The following SUGCT variants were observed in gnomAD, a reference collection of about 807,000 sequenced individuals.
SUGCT encodes the protein succinyl-CoA:glutarate CoA-transferase.
SUGCT carries 41 observed loss-of-function variants against 55.0 expected under a neutral mutation model. The observed-to-expected ratio is 0.74, with a 90% CI of 0.58 to 0.97. The LOEUF (loss-of-function observed/expected upper bound fraction) is 0.97, where lower values mean the gene tolerates loss of function less well. Among genes scored for constraint, SUGCT ranks in the 50% least tolerant of loss-of-function variants. SUGCT has a pLI of 0.00. For missense variants in SUGCT, 568 were observed against 547.8 expected (o/e 1.04, Z -0.37); for synonymous variants, 187 against 200.4 (o/e 0.93, Z 0.56).
intron 9 of SUGCT, among the ~76,000 whole-genome samples, chr7:40,348,805 C>T (rs558925420): frequency 6.6e-6 from 1 of 152,214 alleles, no homozygotes; most frequent in Non-Finnish European, 1.5e-5. Flanking sequence ...TGAAATCCAT[C>T]GTATTCTTGT....
At chr7:40,843,711 G>C (rs4720378) in intron 13 of SUGCT, among the ~76,000 whole-genome samples, 33,031 of 151,974 alleles carry the variant, frequency 0.22, 4,723 homozygotes, top group East Asian at 0.8. Context: ...AGAGGGAGCA[G>C]TGCAAGAGAG....
At chr7:40,955,102 G>T in the SUGCT span, among the ~76,000 whole-genome samples, 1 of 152,128 alleles carries the variant, frequency 6.6e-6, no homozygotes, top group African/African-American at 2.4e-5. Flanking sequence ...TTTTGCTTAG[G>T]ATTGTCTTGA....
At chr7:40,629,528 G>C (rs578096226) in intron 12 of SUGCT, among the ~76,000 whole-genome samples, 1 of 151,982 alleles carries the variant, frequency 6.6e-6, no homozygotes, top group Non-Finnish European at 1.5e-5. Flanking sequence ...GCAGGAATAG[G>C]GGGCTGGATA....
chr7:40,565,346 A>G (rs918079189), intron 12 of SUGCT, among the ~76,000 whole-genome samples: 1 of 152,212 alleles, frequency 6.6e-6, no homozygotes, highest in African/African-American at 2.4e-5. Flanking sequence ...TGGCTAAATT[A>G]TTATACTGCT....
intron 9 of SUGCT, among the ~76,000 whole-genome samples, chr7:40,422,039 A>T (rs576381291): frequency 1.3e-5 from 2 of 149,736 alleles, no homozygotes; most frequent in South Asian, 4.2e-4. Flanking sequence ...TTGTCCTCAG[A>T]TCAAGTCCAG....
At chr7:40,710,023 T>C (rs1165332469) in intron 12 of SUGCT, among the ~76,000 whole-genome samples, 2 of 152,144 alleles carry the variant, frequency 1.3e-5, no homozygotes, top group East Asian at 1.9e-4. Context: ...CTAAACAGCA[T>C]TGGAAGCAAC....
rs548038760 is a variant in SUGCT, at chr7:40,334,438, A to G, written c.816+17583A>G. On this transcript the variant is annotated intron_variant, in intron 9 of 13. Transcript: ENST00000335693. ...GTTGTTTCCTGACATTTTAATGATC[A>G]TCATTCTAACTGGTGGGAGATGGTA... Among the ~76,000 whole-genome samples the G allele has an allele frequency of 3.3e-5, 5 of 152,254 alleles. No individual in the cohort carries two copies. The East Asian group carries it at 7.7e-4, about 24-fold the overall frequency.
chr7:40,517,040 C>T (rs1793274404), intron 12 of SUGCT, among the ~76,000 whole-genome samples: 1 of 151,802 alleles, frequency 6.6e-6, no homozygotes, highest in African/African-American at 2.4e-5. Flanking sequence ...GTAAGTCTTT[C>T]ACTTCTTTAG....
chr7:40,648,134 G>A (rs534893762), intron 12 of SUGCT, among the ~76,000 whole-genome samples: 8 of 152,116 alleles, frequency 5.3e-5, no homozygotes, highest in Non-Finnish European at 1.2e-4. Context: ...ACATTATGAA[G>A]ATGAAACTAA....
intron 10 of SUGCT, among the ~76,000 whole-genome samples, chr7:40,453,283 C>G (rs1208172695): frequency 6.6e-6 from 1 of 152,176 alleles, no homozygotes; most frequent in East Asian, 1.9e-4. Context: ...AATCTCCTTT[C>G]CTTTTCCCCC....
intron 9 of SUGCT, among the ~76,000 whole-genome samples, chr7:40,394,218 C>T (rs1785596054): frequency 6.6e-6 from 1 of 152,050 alleles, no homozygotes; most frequent in African/African-American, 2.4e-5. Context: ...AGAAATTCTG[C>T]ATCATCAATA....
Position 40,184,020 on chromosome 7 carries a change from C to A in SUGCT, c.226+1992C>A, listed in dbSNP as rs369901452. Among the ~76,000 whole-genome samples the A allele has an allele frequency of 9.9e-5, 15 of 152,146 alleles. No individual in the cohort carries two copies. In the South Asian group the frequency reaches 2.9e-3, roughly 29 times the overall value. ...GAAACCCCCTTCTCTACTAAAAGTA[C>A]AAAAATTAGTGGGGCATGGTGGCAG... On this transcript the variant is annotated intron_variant, in intron 3 of 13. Transcript: ENST00000335693.
chr7:40,867,258 A>G, the SUGCT span, among the ~76,000 whole-genome samples: 4 of 150,138 alleles, frequency 2.7e-5, no homozygotes, highest in African/African-American at 9.8e-5. Flanking sequence ...TATATGATAT[A>G]TATATTATAA....
chr7:40,249,096 G>T (rs1476366034), intron 7 of SUGCT, among the ~76,000 whole-genome samples: 3 of 151,428 alleles, frequency 2.0e-5, no homozygotes, highest in Non-Finnish European at 4.4e-5. Context: ...TTTGAGACCA[G>T]TCTGGCCAAA....
intron 6 of SUGCT, among the ~76,000 whole-genome samples, chr7:40,217,136 G>A (rs965877862): frequency 6.6e-6 from 1 of 152,044 alleles, no homozygotes; most frequent in Admixed American, 6.6e-5. Flanking sequence ...ATTAAGCTAG[G>A]GCCACAGATA....
the SUGCT span, among the ~76,000 whole-genome samples, chr7:41,026,049 C>T: frequency 0.38 from 57,196 of 152,082 alleles, 11,274 homozygotes; most frequent in South Asian, 0.44. Context: ...AACAGTCTCA[C>T]GGGGTGTGCA....
intron 9 of SUGCT, among the ~76,000 whole-genome samples, chr7:40,344,960 T>C (rs1797236784): frequency 6.6e-6 from 1 of 152,188 alleles, no homozygotes; most frequent in African/African-American, 2.4e-5. Flanking sequence ...ATTAGGCACA[T>C]AGTATTCGAT....
chr7:40,279,481 T>A (rs1792808144), intron 8 of SUGCT, among the ~76,000 whole-genome samples: 1 of 152,166 alleles, frequency 6.6e-6, no homozygotes, highest in African/African-American at 2.4e-5. Context: ...TACAAATATT[T>A]ACTATGCTAA....
At chr7:40,156,886 C>G (rs1783922932) in intron 1 of SUGCT, among the ~76,000 whole-genome samples, 1 of 151,736 alleles carries the variant, frequency 6.6e-6, no homozygotes, top group Admixed American at 6.6e-5. Context: ...CGTGTTGGCA[C>G]ACATCTGTAA....
Sources: gnomAD v4.1 joint callset for allele counts (sites outside exome capture counted in the v4.1 genomes callset) on GRCh38, gnomAD v4.1.1 for gene constraint, MANE v1.5 for transcripts, NCBI Gene and HGNC (gene_info 2026-07-23, HGNC 2026-07-21) for gene names.